CRB1: variants seen among roughly 807,000 people sequenced by gnomAD.
CRB1 encodes protein crumbs homolog 1.
A neutral mutation model predicts 120.0 loss-of-function variants in CRB1; 83 were observed. The observed-to-expected ratio is 0.69, with a 90% CI of 0.58 to 0.83. The LOEUF is 0.83. Ranked by LOEUF, CRB1 falls within the 40% of genes least tolerant of loss-of-function variation. CRB1 has a pLI of 0.00. For missense variants in CRB1, 1,699 were observed against 1,687.6 expected (o/e 1.01, Z -0.12); for synonymous variants, 625 against 612.5 (o/e 1.02, Z -0.30).
At chr1:197,424,267 A>G (rs1048592065) in intron 6 of CRB1, among the ~76,000 whole-genome samples, 2 of 152,270 alleles carry the variant, frequency 1.3e-5, no homozygotes, top group Middle Eastern at 3.4e-3. Flanking sequence ...CCCAAAAGTT[A>G]TTTCCTTATA....
At position 197,405,578 on chromosome 1, in the gene CRB1, G is replaced by A. The variant is rs558827447; in HGVS notation, c.1172-15422G>A. Among the ~76,000 whole-genome samples the A allele has an allele frequency of 2.7e-5, 4 of 150,724 alleles. No individual in the cohort carries two copies. The East Asian group carries it at 7.9e-4, about 30-fold the overall frequency. On this transcript the variant is annotated intron_variant, in intron 5 of 11. Transcript: ENST00000367400. ...GGAACCCCTCTGCCTGGCTTGCCCA[G>A]TCTGGAAAGTGAGGAGCGTCTCTGC... is the stretch of plus-strand genomic sequence containing the variant.
intron 11 of CRB1, among the ~76,000 whole-genome samples, chr1:197,451,170 A>G (rs1385899859): frequency 1.3e-5 from 2 of 152,192 alleles, no homozygotes; most frequent in African/African-American, 2.4e-5. Context: ...TGTAGAGAAT[A>G]CTTAAGCACT....
At chr1:197,438,838 T>C in intron 10 of CRB1, 163 bp downstream of exon 10, 1 of 788,794 alleles carries the variant, frequency 1.3e-6, no homozygotes, top group Non-Finnish European at 2.0e-6. Context: ...GAAGAAAAAC[T>C]ACAGTTTAGG....
intron 5 of CRB1, among the ~76,000 whole-genome samples, chr1:197,392,248 TACATACACACAC>T (rs759918046): frequency 9.9e-5 from 15 of 151,712 alleles, no homozygotes; most frequent in Non-Finnish European, 2.1e-4. Context: ...AACAAAGATA[TACATACACACAC>T]ACATACACAC....
intron 5 of CRB1, among the ~76,000 whole-genome samples, chr1:197,382,269 A>G (rs1661994736): frequency 6.6e-6 from 1 of 152,208 alleles, no homozygotes; most frequent in Non-Finnish European, 1.5e-5. Context: ...AAGAAAGTTC[A>G]GTGTAAGTAT....
chr1:197,232,613 T>A, the CRB1 span, among the ~76,000 whole-genome samples: 1 of 152,164 alleles, frequency 6.6e-6, no homozygotes, highest in Non-Finnish European at 1.5e-5. Context: ...TGAGGCCAGT[T>A]GCTTTAGTTA....
intron 11 of CRB1, among the ~76,000 whole-genome samples, chr1:197,453,810 TATTGTTAATTATTA>T (rs1292437877): frequency 7.0e-6 from 1 of 143,142 alleles, no homozygotes; most frequent in Non-Finnish European, 1.5e-5. Flanking sequence ...AATAATAATA[TATTGTTAATTATTA>T]ATTATTAATA....
intron 5 of CRB1, among the ~76,000 whole-genome samples, chr1:197,382,028 A>G (rs1413873791): frequency 1.3e-5 from 2 of 152,182 alleles, no homozygotes; most frequent in Non-Finnish European, 2.9e-5. Flanking sequence ...CCTAGCACTG[A>G]GCTGGGCAGT....
rs1313187717 is a variant in CRB1, at chr1:197,277,153, T to TA, written c.70+8675dup. 3.3e-5 allele frequency among the ~76,000 whole-genome samples: 5 copies of TA among 152,092 alleles called. No homozygotes were observed. The East Asian group carries it at 7.8e-4, about 24-fold the overall frequency. ...ATAATAAAAGTTTTCATTCTACCTT[T>TA]AAAATTTTTTCAGGGTAAAATGTTT... On this transcript the variant is annotated intron_variant, in intron 1 of 11. Coordinates refer to ENST00000367400, the MANE Select transcript of CRB1 (RefSeq NM_201253.3).
intron 11 of CRB1, among the ~76,000 whole-genome samples, chr1:197,456,760 C>T (rs1053217363): frequency 2.0e-5 from 3 of 152,140 alleles, no homozygotes; most frequent in African/African-American, 7.2e-5. Flanking sequence ...GAAAAAGGCC[C>T]TTGATAAATG....
intron 4 of CRB1, among the ~76,000 whole-genome samples, chr1:197,354,746 G>C (rs1310329461): frequency 7.6e-6 from 1 of 130,874 alleles, no homozygotes; most frequent in Admixed American, 8.5e-5. Context: ...CCTCCACAGT[G>C]TACAACATGA....
At chr1:197,445,029 T>G (rs953623980) in intron 11 of CRB1, among the ~76,000 whole-genome samples, 2 of 152,164 alleles carry the variant, frequency 1.3e-5, no homozygotes, top group African/African-American at 4.8e-5. Context: ...TAAAGTTGCA[T>G]GTACTCTGGC....
chr1:197,319,617 A>G (rs1658071520), intron 1 of CRB1, among the ~76,000 whole-genome samples: 1 of 152,012 alleles, frequency 6.6e-6, no homozygotes, highest in Non-Finnish European at 1.5e-5. Context: ...GTGTAAACAA[A>G]ATATTTAGGA....
chr1:197,390,676 G>C (rs1045883287), intron 5 of CRB1, among the ~76,000 whole-genome samples: 20 of 151,986 alleles, frequency 1.3e-4, no homozygotes, highest in African/African-American at 4.8e-4. Context: ...TTTTAAACCA[G>C]AGTAAATATA....
chr1:197,250,984 TG>T, the CRB1 span, among the ~76,000 whole-genome samples: 1 of 152,100 alleles, frequency 6.6e-6, no homozygotes, highest in East Asian at 1.9e-4. Context: ...TACTTTATAT[TG>T]AAGTTTTAAG....
In CRB1 at chr1:197,434,982, C is replaced by T. The variant is rs1665064127; in HGVS notation, c.3119C>T (p.Ser1040Phe). Residue 1040 changes from serine (S) to phenylalanine (F), a missense_variant, in exon 9 of 12, where the codon TCC becomes TTC. Coordinates refer to ENST00000367400, the MANE Select transcript of CRB1 (RefSeq NM_201253.3). ...GGCACATGGCACGAAGTGACCCTTT[C>T]CATGACAGACCCACTGTCCCAGACC... Reference protein sequence around the residue: ...NDGTWHEVTLSMTDPLSQTSR... With the variant: ...NDGTWHEVTLFMTDPLSQTSR... 1.2e-6 allele frequency: 2 copies of T among 1,613,974 alleles called. No homozygotes were observed. Among genetic ancestry groups the T allele is most frequent in the East Asian group, 2.2e-5 (1 of 44,886 alleles).
chr1:197,415,933 C>T (rs569230103), intron 5 of CRB1, among the ~76,000 whole-genome samples: 1 of 152,092 alleles, frequency 6.6e-6, no homozygotes, highest in African/African-American at 2.4e-5. Flanking sequence ...TGAGCCACTG[C>T]GTCCGCCCAC....
the CRB1 span, among the ~76,000 whole-genome samples, chr1:197,250,131 CCAAAT>C: frequency 1.3e-5 from 2 of 151,912 alleles, no homozygotes; most frequent in East Asian, 3.9e-4. Flanking sequence ...TTTTCCCACT[CCAAAT>C]CATGTAGTCA....
At chr1:197,446,458 A>G (rs565163741) in intron 11 of CRB1, among the ~76,000 whole-genome samples, 1 of 152,274 alleles carries the variant, frequency 6.6e-6, no homozygotes, top group East Asian at 1.9e-4. Flanking sequence ...GCAGTGCTGA[A>G]AGATGGGGCT....
Sources: allele counts gnomAD v4.1 joint callset (sites outside exome capture counted in the v4.1 genomes callset), GRCh38; gene constraint gnomAD v4.1.1; transcripts MANE v1.5; gene names NCBI Gene and HGNC (gene_info 2026-07-23, HGNC 2026-07-21).